Variants in WNK1 observed in about 807,000 individuals in gnomAD.
WNK1 encodes serine/threonine-protein kinase WNK1.
Under a neutral mutation model 222.8 loss-of-function variants are expected in WNK1, and 38 were observed. The observed-to-expected ratio is 0.17, with a 90% CI of 0.13 to 0.22. The LOEUF (loss-of-function observed/expected upper bound fraction) is 0.22, where lower values mean the gene tolerates loss of function less well. WNK1 is among the 10% of genes least tolerant of loss of function. The probability of loss-of-function intolerance (pLI) is 1.00; values close to 1 mark genes in which losing one functional copy is unlikely to be tolerated. For missense variants in WNK1, 2,348 were observed against 2,918.4 expected, an observed-to-expected ratio of 0.80 and a Z score of 4.50; for synonymous variants, 1,090 against 1,092.9, an observed-to-expected ratio of 1.00 and a Z score of 0.05.
At chr12:798,223 G>T (rs1246404458) in intron 1 of WNK1, among the ~76,000 whole-genome samples, 12 of 150,682 alleles carry the variant, frequency 8.0e-5, no homozygotes, top group Admixed American at 5.3e-4. Flanking sequence ...ACGGAGTCTG[G>T]CTCTGTCGCC....
intron 24 of WNK1, 128 bp from the exon 25 acceptor site, chr12:897,351 T>G: frequency 2.7e-6 from 2 of 728,448 alleles, no homozygotes; most frequent in South Asian, 1.5e-5. Flanking sequence ...CTCGTGGTAG[T>G]ACATTTGGGG....
At position 827,842 on chromosome 12, in the gene WNK1, T is replaced by C. The variant is rs1447129099; in HGVS notation, c.1153+580T>C. ...CCCCGCCCAGCCAGCCATCTTTTCA[T>C]TACACACTGTTGATACTTAACATTA... On this transcript the variant is annotated intron_variant, in intron 3 of 27. Coordinates refer to ENST00000315939, the MANE Select transcript of WNK1 (RefSeq NM_018979.4). The surrounding 1 kb of genome is among the most constrained non-coding windows in gnomAD (Gnocchi z 4.6). Among the ~76,000 whole-genome samples, 1 of 152,168 alleles carries C rather than the reference T, an allele frequency of 6.6e-6. No homozygotes were observed. The highest frequency in any genetic ancestry group is 1.5e-5 in the Non-Finnish European group (1 of 68,028).
intron 4 of WNK1, among the ~76,000 whole-genome samples, chr12:830,800 T>G (rs1227257832): frequency 3.3e-5 from 5 of 152,222 alleles, no homozygotes; most frequent in African/African-American, 7.2e-5. Context: ...CTGAAAAAAT[T>G]AACAATCATT....
rs533399537 is a variant in WNK1 at position 909,852 on chromosome 12, C to G, written c.*1060C>G. 5 of 152,292 alleles carry G rather than the reference C, an allele frequency of 3.3e-5. No homozygotes were observed. In the East Asian group the frequency reaches 7.7e-4, roughly 23 times the overall value. The allele number at this position is 152,292 out of a possible 1,614,324, so 9.4% of individuals were successfully genotyped here. On this transcript the variant is annotated 3_prime_UTR_variant, in exon 28 of 28. Transcript: ENST00000315939. ...TGAAAAAGTATTTTTTTAAGTCATT[C>G]AACAACTTTGTCTAGAGCAGGTGTA...
At chr12:794,737 T>G (rs893798577) in intron 1 of WNK1, among the ~76,000 whole-genome samples, 1 of 152,164 alleles carries the variant, frequency 6.6e-6, no homozygotes, top group Non-Finnish European at 1.5e-5. Context: ...ATAAGGAATA[T>G]TCTTCTTTTA....
intron 21 of WNK1, 64 bp from the exon 22 acceptor site, chr12:890,389 C>T (rs1018292033): frequency 8.5e-5 from 135 of 1,587,646 alleles, no homozygotes; most frequent in Middle Eastern, 1.7e-4. Context: ...GGAAAGGCAA[C>T]GAGGCAAAAG....
chr12:837,331 T>A (rs1163022874), intron 4 of WNK1, among the ~76,000 whole-genome samples: 1 of 152,118 alleles, frequency 6.6e-6, no homozygotes, highest in Non-Finnish European at 1.5e-5. Context: ...TCCAGCACTT[T>A]GGGAGGCTGA....
chr12:816,948 AAAG>A (rs1232886852), intron 2 of WNK1, among the ~76,000 whole-genome samples: 2 of 152,222 alleles, frequency 1.3e-5, no homozygotes, highest in African/African-American at 4.8e-5. Context: ...TATAAAGAGA[AAAG>A]AAGGAATTGA....
chr12:755,819 A>T (rs1939930068), intron 1 of WNK1, among the ~76,000 whole-genome samples: 1 of 152,206 alleles, frequency 6.6e-6, no homozygotes, highest in South Asian at 2.1e-4. Flanking sequence ...TACTAAAAAT[A>T]CAAAAATTAG....
At position 827,105 on chromosome 12, in the gene WNK1, T is replaced by C. The variant is rs1948417656; in HGVS notation, c.996T>C (p.Leu332=). The change falls in exon 3 of 28, where the codon CTT becomes CTC. Residue 332 remains leucine, a synonymous_variant. Transcript: ENST00000315939. This position sits in a 1 kb window ranked among gnomAD's most constrained non-coding sequence, Gnocchi z 4.6. ...TAAGAAGCTGGTGCCGTCAGATCCT[T>C]AAAGGTCTTCAGTTTCTTCATACTC... The part of the protein sequence containing the change: ...KVLRSWCRQI[L]KGLQFLHTRT... 1.2e-6 allele frequency: 2 copies of C among 1,614,176 alleles called. No homozygotes were observed.
intron 1 of WNK1, among the ~76,000 whole-genome samples, chr12:763,931 G>A (rs573093778): frequency 6.8e-6 from 1 of 147,458 alleles, no homozygotes; most frequent in South Asian, 2.2e-4. Context: ...TTAGATGGGA[G>A]GAGGTATGGA....
At chr12:794,951 T>A (rs1945168013) in intron 1 of WNK1, among the ~76,000 whole-genome samples, 1 of 151,684 alleles carries the variant, frequency 6.6e-6, no homozygotes, top group Non-Finnish European at 1.5e-5. Context: ...GATGTGGTCT[T>A]GCTGTGTTGC....
chr12:845,334 G>C (rs1042967293), intron 4 of WNK1, among the ~76,000 whole-genome samples: 1 of 152,110 alleles, frequency 6.6e-6, no homozygotes, highest in Admixed American at 6.5e-5. Flanking sequence ...GGAAGAGATC[G>C]ATCCTAGGGC....
chr12:757,353 G>A (rs369138312), intron 1 of WNK1, among the ~76,000 whole-genome samples: 3 of 125,728 alleles, frequency 2.4e-5, no homozygotes, highest in African/African-American at 9.3e-5. Context: ...AAGAGACGGA[G>A]TCTTGCTCTA....
Position 861,111 on chromosome 12 carries a change from G to A in WNK1, c.1719G>A (p.Gln573=), listed in dbSNP as rs1217514884. The A allele has an allele frequency of 1.4e-5, 22 of 1,613,936 alleles. No homozygotes were observed. The highest frequency in any genetic ancestry group is 1.9e-5 in the Non-Finnish European group (22 of 1,179,982). The change falls in exon 7 of 28, where the codon CAG becomes CAA. Residue 573 remains glutamine, a synonymous_variant. Coordinates refer to ENST00000315939, the MANE Select transcript of WNK1 (RefSeq NM_018979.4). The part of the protein sequence containing the change: ...SLIKRKREQR[Q]LVREEQEKKK... ...TTAAGAGGAAACGAGAGCAGCGGCA[G>A]TTGGTACGGGAGGAGCAAGAAAAAA...
chr12:789,818 A>G (rs1462670777), intron 1 of WNK1, among the ~76,000 whole-genome samples: 1 of 152,202 alleles, frequency 6.6e-6, no homozygotes, highest in Non-Finnish European at 1.5e-5. Context: ...CTCAGCATGT[A>G]TTTCAGGCTA....
intron 3 of WNK1, among the ~76,000 whole-genome samples, chr12:828,137 A>C (rs1306371161): frequency 6.9e-6 from 1 of 144,806 alleles, no homozygotes; most frequent in Non-Finnish European, 1.5e-5. Context: ...ATCTCTATTA[A>C]AAATACAAAA....
chr12:828,990 T>G (rs1051381300), intron 3 of WNK1, among the ~76,000 whole-genome samples: 10 of 152,260 alleles, frequency 6.6e-5, no homozygotes, highest in African/African-American at 2.4e-4. Flanking sequence ...CACATTTTCT[T>G]ATAATACATT....
chr12:765,598 A>G (rs10774457), intron 1 of WNK1, among the ~76,000 whole-genome samples: 100,257 of 137,864 alleles, frequency 0.73, 37,541 homozygotes, highest in East Asian at 0.88. Flanking sequence ...GGAATGTGCT[A>G]TATCCAGATC....
Sources: allele counts gnomAD v4.1 joint callset (sites outside exome capture counted in the v4.1 genomes callset), GRCh38; gene constraint gnomAD v4.1.1; non-coding constraint Gnocchi (gnomAD v3.1); transcripts MANE v1.5; gene names NCBI Gene and HGNC (gene_info 2026-07-23, HGNC 2026-07-21).